IPO5: variants seen among roughly 807,000 people sequenced by gnomAD.
The protein encoded by IPO5 is importin-5.
In IPO5, 18 loss-of-function variants were observed where a neutral mutation model predicts 143.3. That is an observed-to-expected ratio of 0.13 (90% CI 0.09 to 0.19). The LOEUF (loss-of-function observed/expected upper bound fraction) is 0.19, where lower values mean the gene tolerates loss of function less well. IPO5 is among the 10% of genes least tolerant of loss of function. IPO5 has a pLI of 1.00. For synonymous variants in IPO5, 477 were observed against 465.7 expected (o/e 1.02, Z -0.31); for missense variants, 1,013 against 1,336.9 (o/e 0.76, Z 3.78).
At chr13:97,968,234 GTCAGAGAACATACTTTGTTGGTTTCAA>G (rs1167004867) in intron 2 of IPO5, among the ~76,000 whole-genome samples, 2 of 152,132 alleles carry the variant, frequency 1.3e-5, no homozygotes, top group African/African-American at 4.8e-5. Flanking sequence ...TTCTGTTGTG[GTCAGAGAACATACTTTGTTGGTTTCAA>G]TCCTTTAAAA....
chr13:98,014,124 G>C lies in IPO5; in HGVS notation c.2235G>C (p.Met745Ile). ...GTGGTCCTGAGTATCTCACACAGAT[G>C]TGGCATTTTATGTGTGATGCTCTAA... ...RVRGPEYLTQ[M>I]WHFMCDALIK... The change falls in exon 22 of 29, where the codon ATG becomes ATC. Residue 745 changes from methionine (M) to isoleucine (I), a missense_variant. By Grantham distance (10) the Met-to-Ile change is conservative. This residue lies in a region of IPO5 where 685 missense variants were observed against 994.9 expected (regional missense o/e 0.69). Transcript: ENST00000651721. 1 of 1,613,192 alleles carries C rather than the reference G, an allele frequency of 6.2e-7. No individual in the cohort carries two copies. The highest frequency in any genetic ancestry group is 8.5e-7 in the Non-Finnish European group (1 of 1,179,172).
chr13:97,980,782 G>T (rs952114867), intron 4 of IPO5, among the ~76,000 whole-genome samples: 1 of 148,420 alleles, frequency 6.7e-6, no homozygotes, highest in African/African-American at 2.5e-5. Flanking sequence ...AGCCGAGATC[G>T]CACCACTGCG....
intron 12 of IPO5, 63 bp from the exon 13 acceptor site, chr13:98,000,476 A>G (rs1888669695): frequency 1.0e-6 from 1 of 989,730 alleles, no homozygotes. Flanking sequence ...GTATGTCTGT[A>G]GAGTATACTA....
At chr13:98,005,936 ATC>A (rs1050881787) in intron 16 of IPO5, among the ~76,000 whole-genome samples, 192 bp from the exon 17 acceptor site, 1 of 152,166 alleles carries the variant, frequency 6.6e-6, no homozygotes, top group African/African-American at 2.4e-5. Context: ...GAAAAAAAAA[ATC>A]TCACATAAAT....
At chr13:97,990,866 A>G (rs572872489) in intron 9 of IPO5, among the ~76,000 whole-genome samples, 18 of 152,208 alleles carry the variant, frequency 1.2e-4, no homozygotes, top group Non-Finnish European at 2.2e-4. Flanking sequence ...CCCATTTTAC[A>G]TAAGGAGAAA....
intron 2 of IPO5, among the ~76,000 whole-genome samples, chr13:97,967,189 A>G (rs1010357445): frequency 1.3e-5 from 2 of 152,184 alleles, no homozygotes; most frequent in African/African-American, 2.4e-5. Context: ...TTAGCACACA[A>G]TTGGGTACAG....
chr13:97,980,884 G>A (rs543192800), intron 4 of IPO5, among the ~76,000 whole-genome samples: 1 of 150,260 alleles, frequency 6.7e-6, no homozygotes, highest in East Asian at 2.0e-4. Flanking sequence ...GAAAATTTAA[G>A]TGTTAAACAT....
chr13:97,999,555 G>C (rs1042163813), intron 12 of IPO5, among the ~76,000 whole-genome samples: 3 of 152,054 alleles, frequency 2.0e-5, no homozygotes, highest in African/African-American at 7.2e-5. Context: ...ATTTTTTTAA[G>C]TCTAAAAACC....
chr13:97,963,794 C>A (rs1256264215), intron 2 of IPO5, among the ~76,000 whole-genome samples: 1 of 152,144 alleles, frequency 6.6e-6, no homozygotes, highest in Non-Finnish European at 1.5e-5. Context: ...ATCAGTTTGT[C>A]CAATTTACAC....
chr13:97,998,923 A>T (rs1566527284), intron 12 of IPO5, among the ~76,000 whole-genome samples: 1 of 152,104 alleles, frequency 6.6e-6, no homozygotes, highest in Non-Finnish European at 1.5e-5. Context: ...CAGGCAGATC[A>T]CCTGAGGTCA....
intron 27 of IPO5, chr13:98,020,024 T>C (rs1431367228): frequency 1.9e-5 from 8 of 412,126 alleles, no homozygotes; most frequent in South Asian, 1.0e-4. Flanking sequence ...AGTTATTCTT[T>C]ATGAAATTAG....
At chr13:98,005,266 C>T (rs183372418) in intron 16 of IPO5, among the ~76,000 whole-genome samples, 41 of 151,828 alleles carry the variant, frequency 2.7e-4, no homozygotes, top group Admixed American at 2.3e-3. Context: ...GGCGCAATCT[C>T]GGCTCACTGC....
At chr13:98,010,272 C>T (rs373467616) in intron 20 of IPO5, 48 bp downstream of exon 20, 1 of 1,542,940 alleles carries the variant, frequency 6.5e-7, no homozygotes, top group South Asian at 1.2e-5. Flanking sequence ...ATCTTATATA[C>T]ATTTCATATG....
chr13:97,976,345 C>G (rs1209173068), intron 3 of IPO5: 1 of 152,074 alleles, frequency 6.6e-6, no homozygotes, highest in Non-Finnish European at 1.5e-5. Context: ...AAGCCGCCAG[C>G]CTACCCAACC....
rs1890595930 is a variant in IPO5, at chr13:98,023,229, A to G, written c.*1407A>G. ...TTGCCCGGAGGCTTCCGAATCTAGC[A>G]AAGCAGCATATTAAATGACTCCACC... is the stretch of plus-strand genomic sequence containing the variant. On this transcript the variant is annotated 3_prime_UTR_variant, in exon 29 of 29. Transcript: ENST00000651721. 1 of 152,370 alleles carries G rather than the reference A, an allele frequency of 6.6e-6. No homozygotes were observed. The highest frequency in any genetic ancestry group is 1.5e-5 in the Non-Finnish European group (1 of 68,050). The allele number at this position is 152,370 out of a possible 1,614,324, so 9.4% of individuals were successfully genotyped here.
chr13:98,016,596 T>G (rs374009891), intron 24 of IPO5, 133 bp from the exon 25 acceptor site: 4 of 494,588 alleles, frequency 8.1e-6, no homozygotes, highest in Non-Finnish European at 3.4e-6. Context: ...GTCTCTAGAC[T>G]CTTGATTTAC....
intron 2 of IPO5, chr13:97,963,073 CTGATTAGA>C (rs1031231324): frequency 6.6e-5 from 10 of 152,174 alleles, no homozygotes; most frequent in Admixed American, 3.3e-4. Flanking sequence ...AGGCCTTCAA[CTGATTAGA>C]TGAAGCCCAC....
At chr13:97,970,367 T>A (rs918711506) in intron 3 of IPO5, among the ~76,000 whole-genome samples, 1 of 152,102 alleles carries the variant, frequency 6.6e-6, no homozygotes, top group Non-Finnish European at 1.5e-5. Context: ...ACGCCTGTAA[T>A]CCCAGCACTT....
intron 4 of IPO5, among the ~76,000 whole-genome samples, chr13:97,978,496 A>C (rs1156827471): frequency 6.6e-6 from 1 of 152,174 alleles, no homozygotes; most frequent in East Asian, 1.9e-4. Context: ...CTTGTAGAAT[A>C]CTGAAAAGTA....
Sources: allele counts gnomAD v4.1 joint callset (sites outside exome capture counted in the v4.1 genomes callset), GRCh38; gene constraint gnomAD v4.1.1; regional missense constraint gnomAD v4.1.1; transcripts MANE v1.5; gene names NCBI Gene and HGNC (gene_info 2026-07-23, HGNC 2026-07-21).